KLHL1: variants seen among roughly 807,000 people sequenced by gnomAD.
KLHL1 encodes the protein kelch like family member 1.
Under a neutral mutation model 77.7 loss-of-function variants are expected in KLHL1, and 47 were observed. The observed-to-expected ratio is 0.60, with a 90% CI of 0.48 to 0.77. KLHL1 has a LOEUF of 0.77. Ranked by LOEUF, KLHL1 falls within the 30% of genes least tolerant of loss-of-function variation. The probability of loss-of-function intolerance (pLI) is 0.00; values close to 1 mark genes in which losing one functional copy is unlikely to be tolerated. For missense variants in KLHL1, 925 were observed against 910.8 expected, an observed-to-expected ratio of 1.02 and a Z score of -0.20; for synonymous variants, 360 against 325.2, an observed-to-expected ratio of 1.11 and a Z score of -1.15.
intron 1 of KLHL1, among the ~76,000 whole-genome samples, chr13:70,043,015 C>T (rs1299849726): frequency 1.3e-5 from 2 of 152,216 alleles, no homozygotes; most frequent in African/African-American, 4.8e-5. Flanking sequence ...AAGCAGTTCT[C>T]CTGTATCAGC....
chr13:70,013,977 A>G (rs1405954612), intron 1 of KLHL1, among the ~76,000 whole-genome samples: 1 of 152,136 alleles, frequency 6.6e-6, no homozygotes, highest in African/African-American at 2.4e-5. Flanking sequence ...AACAGGTTGT[A>G]TTTACTTGGT....
Position 69,730,453 on chromosome 13 carries a change from A to G in KLHL1, c.1802+9941T>C, listed in dbSNP as rs150070644. Among the ~76,000 whole-genome samples, 39 of 152,138 alleles carry G rather than the reference A, an allele frequency of 2.6e-4. No individual in the cohort carries two copies. In the East Asian group the frequency reaches 7.5e-3, roughly 29 times the overall value. The stretch of plus-strand genomic sequence containing the variant: ...GCTGTCAATGTAAATGGTAAGAAAA[A>G]GTCACTAAATAACCGACTGTTACTT... On this transcript the variant is annotated intron_variant, in intron 8 of 10. Coordinates refer to ENST00000377844, the MANE Select transcript of KLHL1 (RefSeq NM_020866.3).
chr13:69,787,215 C>A (rs1323139573), intron 7 of KLHL1, among the ~76,000 whole-genome samples: 1 of 151,984 alleles, frequency 6.6e-6, no homozygotes, highest in African/African-American at 2.4e-5. Flanking sequence ...AATCCTAAGC[C>A]AAAAGAACAA....
Position 69,882,373 on chromosome 13 carries a change from C to T in KLHL1, c.1137G>A (p.Leu379=). 1 of 1,613,848 alleles carries T rather than the reference C, an allele frequency of 6.2e-7. No homozygotes were observed. The highest frequency in any genetic ancestry group is 8.5e-7 in the Non-Finnish European group (1 of 1,179,788). Residue 379 remains leucine (L), a synonymous_variant, in exon 5 of 11, where the codon TTG becomes TTA. Coordinates refer to ENST00000377844, the MANE Select transcript of KLHL1 (RefSeq NM_020866.3). ...GCATGTCATACTTGACCCACATCAT[C>T]AATGCATGGAAGATGGTTTCTTCAT... ...VPDEETIFHA[L]MMWVKYDMQS...
chr13:70,054,823 AT>A (rs67831546), intron 1 of KLHL1, among the ~76,000 whole-genome samples: 147,475 of 151,594 alleles, frequency 0.97, 71,819 homozygotes, highest in East Asian at 1. Flanking sequence ...TTGATCAAGC[AT>A]TAAGAGAGAA....
chr13:70,084,678 T>C (rs1270498185), intron 1 of KLHL1, among the ~76,000 whole-genome samples: 1 of 138,070 alleles, frequency 7.2e-6, no homozygotes, highest in African/African-American at 2.8e-5. Flanking sequence ...GGTTTCACTG[T>C]GTTAGCCAGG....
chr13:69,775,456 T>C (rs1875778228), intron 7 of KLHL1, among the ~76,000 whole-genome samples: 1 of 152,150 alleles, frequency 6.6e-6, no homozygotes, highest in South Asian at 2.1e-4. Context: ...AAATTATTAA[T>C]GTATTCACAA....
At chr13:70,015,592 T>C (rs1033004195) in intron 1 of KLHL1, among the ~76,000 whole-genome samples, 2 of 152,218 alleles carry the variant, frequency 1.3e-5, no homozygotes, top group Admixed American at 6.5e-5. Context: ...ATTTTTATTA[T>C]AGTATTCAAT....
At chr13:69,895,977 G>A (rs989793228) in intron 4 of KLHL1, among the ~76,000 whole-genome samples, 3 of 151,896 alleles carry the variant, frequency 2.0e-5, no homozygotes, top group Admixed American at 6.6e-5. Flanking sequence ...CAAAGTGCTG[G>A]GATTACAGGC....
At chr13:69,959,314 T>A (rs1430756743) in intron 3 of KLHL1, among the ~76,000 whole-genome samples, 1 of 151,862 alleles carries the variant, frequency 6.6e-6, no homozygotes. Context: ...GATCTCTGTC[T>A]TTTAGTTGCT....
At chr13:69,757,571 G>C (rs1199135586) in intron 7 of KLHL1, among the ~76,000 whole-genome samples, 1 of 152,170 alleles carries the variant, frequency 6.6e-6, no homozygotes, top group Non-Finnish European at 1.5e-5. Flanking sequence ...AAGTTAGTTT[G>C]AAGTCAGGAA....
chr13:70,044,460 T>A (rs928905212), intron 1 of KLHL1, among the ~76,000 whole-genome samples: 2 of 152,290 alleles, frequency 1.3e-5, no homozygotes, highest in East Asian at 3.9e-4. Flanking sequence ...CTATTTGTAT[T>A]TAATTATTTA....
chr13:69,799,423 CAAATGAGCTAGA>C (rs1269919305), intron 6 of KLHL1, among the ~76,000 whole-genome samples: 1 of 152,178 alleles, frequency 6.6e-6, no homozygotes, highest in Non-Finnish European at 1.5e-5. Context: ...AAGCCTCATT[CAAATGAGCTAGA>C]TAAGTCTTAA....
At chr13:69,746,116 A>C (rs73210470) in intron 7 of KLHL1, among the ~76,000 whole-genome samples, 11,953 of 151,486 alleles carry the variant, frequency 0.079, 610 homozygotes, top group African/African-American at 0.14. Context: ...TATTTGTTTC[A>C]TCAATAAATA....
At chr13:69,743,874 T>TTAAA (rs1292129229) in intron 7 of KLHL1, among the ~76,000 whole-genome samples, 1 of 150,866 alleles carries the variant, frequency 6.6e-6, no homozygotes, top group Non-Finnish European at 1.5e-5. Context: ...AATAAATTGG[T>TTAAA]TAAATAATTG....
intron 5 of KLHL1, among the ~76,000 whole-genome samples, chr13:69,851,294 G>A (rs1040421999): frequency 2.0e-5 from 3 of 151,594 alleles, no homozygotes; most frequent in South Asian, 2.1e-4. Context: ...AAACTACTAC[G>A]CTTCCTTTAG....
intron 5 of KLHL1, among the ~76,000 whole-genome samples, chr13:69,863,510 T>A (rs920267112): frequency 6.6e-4 from 100 of 150,688 alleles, no homozygotes; most frequent in African/African-American, 2.3e-3. Flanking sequence ...ATAAAAAAAT[T>A]TTGCATTTTT....
intron 6 of KLHL1, among the ~76,000 whole-genome samples, chr13:69,801,229 T>A (rs143326546): frequency 4.6e-5 from 7 of 152,250 alleles, no homozygotes; most frequent in Non-Finnish European, 7.4e-5. Context: ...AAAATAACAA[T>A]CACTACTTTG....
chr13:69,704,040 C>A (rs185022412), intron 10 of KLHL1, among the ~76,000 whole-genome samples: 2 of 151,754 alleles, frequency 1.3e-5, no homozygotes, highest in Non-Finnish European at 3.0e-5. Context: ...TTCCCAAAGG[C>A]TCCCTGATGT....
Sources: gnomAD v4.1 joint callset for allele counts (sites outside exome capture counted in the v4.1 genomes callset) on GRCh38, gnomAD v4.1.1 for gene constraint, MANE v1.5 for transcripts, NCBI Gene and HGNC (gene_info 2026-07-23, HGNC 2026-07-21) for gene names.